ALCAM: variants seen among roughly 807,000 people sequenced by gnomAD.
The protein encoded by ALCAM is activated leukocyte cell adhesion molecule.
A neutral mutation model predicts 70.9 loss-of-function variants in ALCAM; 30 were observed. That is an observed-to-expected ratio of 0.42 (90% CI 0.32 to 0.57). The LOEUF (loss-of-function observed/expected upper bound fraction) is 0.57. Among genes scored for constraint, ALCAM ranks in the 20% least tolerant of loss-of-function variants. The pLI is 0.11. For synonymous variants in ALCAM, 249 were observed against 242.5 expected, an observed-to-expected ratio of 1.03 and a Z score of -0.25; for missense variants, 591 against 695.1, an observed-to-expected ratio of 0.85 and a Z score of 1.68.
chr3:105,400,881 G>C (rs1366561357), intron 1 of ALCAM, among the ~76,000 whole-genome samples: 6 of 152,178 alleles, frequency 3.9e-5, no homozygotes, highest in African/African-American at 1.4e-4. Context: ...ATTCCCATCT[G>C]TAAAATGGGG....
At chr3:105,551,917 A>G (rs745475573) in intron 12 of ALCAM, among the ~76,000 whole-genome samples, 72 of 151,544 alleles carry the variant, frequency 4.8e-4, no homozygotes, top group African/African-American at 1.7e-3. Flanking sequence ...GAAATTTTCT[A>G]TGGTAGATTA....
At chr3:105,395,601 T>C (rs939425286) in intron 1 of ALCAM, among the ~76,000 whole-genome samples, 1 of 152,012 alleles carries the variant, frequency 6.6e-6, no homozygotes, top group African/African-American at 2.4e-5. Context: ...TATGACACCA[T>C]GTTATTTAGG....
At position 105,367,357 on chromosome 3, in the gene ALCAM, C is replaced by T. The variant is rs1168217412; in HGVS notation, c.-52C>T. ...GGCACCGCGGGGCCCGGGACGACGC[C>T]CCCTCCTGCGGCGTGGACTCCGTCA... is the stretch of plus-strand genomic sequence containing the variant. On this transcript the variant is annotated 5_prime_UTR_variant, in exon 1 of 16. Coordinates refer to ENST00000306107, the MANE Select transcript of ALCAM (RefSeq NM_001627.4). 4.4e-6 allele frequency: 7 copies of T among 1,596,160 alleles called. No individual in the cohort carries two copies. The highest frequency in any genetic ancestry group is 6.0e-6 in the Non-Finnish European group (7 of 1,167,880).
chr3:105,518,623 G>A (rs914588854), intron 1 of ALCAM, among the ~76,000 whole-genome samples: 2 of 151,646 alleles, frequency 1.3e-5, no homozygotes, highest in Non-Finnish European at 2.9e-5. Context: ...ATGTTAAAAG[G>A]GATTATAATT....
chr3:105,564,862 G>A (rs1174076801), intron 14 of ALCAM, among the ~76,000 whole-genome samples: 4 of 152,140 alleles, frequency 2.6e-5, no homozygotes, highest in Non-Finnish European at 5.9e-5. Context: ...CCTGGCCAAC[G>A]TGGCAAAACC....
intron 1 of ALCAM, among the ~76,000 whole-genome samples, chr3:105,515,620 T>G (rs1291049506): frequency 6.6e-6 from 1 of 151,932 alleles, no homozygotes. Context: ...GGAAGAGTGG[T>G]GCTGTCATCT....
chr3:105,475,013 A>G (rs1052764782), intron 1 of ALCAM, among the ~76,000 whole-genome samples: 2 of 152,006 alleles, frequency 1.3e-5, no homozygotes, highest in Middle Eastern at 3.4e-3. Flanking sequence ...TCTAACAACT[A>G]TGTGGTTGAG....
At chr3:105,457,024 T>C (rs1937542693) in intron 1 of ALCAM, among the ~76,000 whole-genome samples, 1 of 152,140 alleles carries the variant, frequency 6.6e-6, no homozygotes, top group African/African-American at 2.4e-5. Flanking sequence ...GATGCTGTCC[T>C]AGGCTCTTTT....
At chr3:105,399,755 C>T (rs1471988596) in intron 1 of ALCAM, among the ~76,000 whole-genome samples, 1 of 152,114 alleles carries the variant, frequency 6.6e-6, no homozygotes, top group Non-Finnish European at 1.5e-5. Flanking sequence ...CCTGCCCTCC[C>T]TGGAAAATCC....
rs183183743 is a variant in ALCAM at position 105,548,411 on chromosome 3, T to A, written c.1374+888T>A. Among the ~76,000 whole-genome samples, 8 of 151,522 alleles carry A rather than the reference T, an allele frequency of 5.3e-5. No individual in the cohort carries two copies. In the East Asian group the frequency reaches 1.6e-3, roughly 29 times the overall value. ...CAGAGGTACCACTGGATTATTTAAA[T>A]CTTCTGTACTTCTCAGATTTTGACC... On this transcript the variant is annotated intron_variant, in intron 11 of 15. Coordinates refer to ENST00000306107, the MANE Select transcript of ALCAM (RefSeq NM_001627.4).
intron 14 of ALCAM, among the ~76,000 whole-genome samples, chr3:105,563,996 T>A: frequency 6.6e-6 from 1 of 152,186 alleles, no homozygotes; most frequent in East Asian, 1.9e-4. Context: ...CCATTTCTTA[T>A]TTAATTCTTT....
In ALCAM at chr3:105,545,791, G is replaced by A. The variant is rs148222239; in HGVS notation, c.1104+456G>A. ...CAGAAAGCTCATAACTGACAGAGTA[G>A]AGACTCAAGGCCAGACCTTACTGAG... On this transcript the variant is annotated intron_variant, in intron 9 of 15. Transcript: ENST00000306107. 4.0e-5 allele frequency among the ~76,000 whole-genome samples: 6 copies of A among 151,546 alleles called. No individual in the cohort carries two copies. In the East Asian group the frequency reaches 1.2e-3, roughly 29 times the overall value.
At chr3:105,410,335 G>T (rs1450467068) in intron 1 of ALCAM, among the ~76,000 whole-genome samples, 9 of 151,980 alleles carry the variant, frequency 5.9e-5, no homozygotes, top group East Asian at 1.9e-4. Context: ...GAGGAAAAAA[G>T]GTAGTGTCTA....
At chr3:105,375,385 C>T (rs1935349483) in intron 1 of ALCAM, among the ~76,000 whole-genome samples, 1 of 152,202 alleles carries the variant, frequency 6.6e-6, no homozygotes, top group Non-Finnish European at 1.5e-5. Flanking sequence ...ATGCACTCTT[C>T]ATCCTAACCA....
intron 1 of ALCAM, among the ~76,000 whole-genome samples, chr3:105,449,321 G>A (rs928779509): frequency 2.6e-5 from 4 of 152,164 alleles, no homozygotes; most frequent in African/African-American, 4.8e-5. Flanking sequence ...CAAAAAGCTT[G>A]CATATTTAAT....
intron 1 of ALCAM, among the ~76,000 whole-genome samples, chr3:105,369,992 G>C (rs1935186095): frequency 2.0e-5 from 3 of 151,940 alleles, no homozygotes; most frequent in African/African-American, 7.3e-5. Flanking sequence ...AAAAAAGAAT[G>C]CTTTTCTGGA....
intron 1 of ALCAM, among the ~76,000 whole-genome samples, chr3:105,512,591 T>C (rs1240358153): frequency 2.6e-5 from 4 of 151,920 alleles, no homozygotes; most frequent in Admixed American, 2.6e-4. Flanking sequence ...TGAATTAATA[T>C]AACTAATATT....
At chr3:105,496,227 C>A (rs115069197) in intron 1 of ALCAM, among the ~76,000 whole-genome samples, 2 of 151,920 alleles carry the variant, frequency 1.3e-5, no homozygotes, top group African/African-American at 4.8e-5. Context: ...TCAAATTAGG[C>A]GAATAATTTT....
chr3:105,458,944 T>C (rs1360165828), intron 1 of ALCAM, among the ~76,000 whole-genome samples: 4 of 152,168 alleles, frequency 2.6e-5, no homozygotes, highest in African/African-American at 9.7e-5. Flanking sequence ...AATGCAAATC[T>C]TTCTATAAAT....
Sources: gnomAD v4.1 joint callset for allele counts (sites outside exome capture counted in the v4.1 genomes callset) on GRCh38, gnomAD v4.1.1 for gene constraint, MANE v1.5 for transcripts, NCBI Gene and HGNC (gene_info 2026-07-23, HGNC 2026-07-21) for gene names.